Variants in CAST observed in about 807,000 individuals in gnomAD.
The protein encoded by CAST is MIR583 host.
Under a neutral mutation model 119.6 loss-of-function variants are expected in CAST, and 76 were observed. The observed-to-expected ratio is 0.64, with a 90% confidence interval of 0.53 to 0.77. The LOEUF (loss-of-function observed/expected upper bound fraction) is 0.77. Among genes scored for constraint, CAST ranks in the 30% least tolerant of loss-of-function variants. The pLI, the probability that CAST is intolerant of heterozygous loss-of-function variation, is 0.00. For missense variants in CAST, 953 were observed against 946.5 expected (o/e 1.01, Z -0.09); for synonymous variants, 319 against 331.6 (o/e 0.96, Z 0.41).
chr5:96,451,134 G>T, the CAST span, among the ~76,000 whole-genome samples: 1 of 151,998 alleles, frequency 6.6e-6, no homozygotes, highest in African/African-American at 2.4e-5. Context: ...CTGTTTAATT[G>T]CTTATACGAA....
chr5:96,559,105 G>A (rs263392), intron 1 of CAST, among the ~76,000 whole-genome samples: 148,058 of 152,182 alleles, frequency 0.97, 72,152 homozygotes, highest in East Asian at 1. Flanking sequence ...AATGACAAAA[G>A]CCACATGATT....
chr5:96,015,453 AT>A, the CAST span, among the ~76,000 whole-genome samples: 3 of 152,172 alleles, frequency 2.0e-5, no homozygotes, highest in African/African-American at 7.2e-5. Flanking sequence ...TAGAAAATAT[AT>A]TAAGTATCCA....
At chr5:96,412,282 G>A in the CAST span, 11 of 1,565,774 alleles carry the variant, frequency 7.0e-6, no homozygotes. Flanking sequence ...AGATGGTCAG[G>A]TTTCATTTCA....
intron 1 of CAST, among the ~76,000 whole-genome samples, chr5:96,563,764 ACAGTTTTG>A (rs1276669987): frequency 1.3e-5 from 2 of 152,202 alleles, no homozygotes; most frequent in Non-Finnish European, 2.9e-5. Flanking sequence ...TTTAAGGAGC[ACAGTTTTG>A]CAAACAGCCT....
At chr5:96,403,941 C>T in the CAST span, among the ~76,000 whole-genome samples, 1 of 151,972 alleles carries the variant, frequency 6.6e-6, no homozygotes, top group East Asian at 1.9e-4. Context: ...TTAATATTTC[C>T]AAAGGTGTGA....
intron 9 of CAST, among the ~76,000 whole-genome samples, chr5:96,732,538 T>C (rs1760774508): frequency 6.8e-6 from 1 of 147,892 alleles, no homozygotes; most frequent in Non-Finnish European, 1.5e-5. Context: ...TTGGCTTTTG[T>C]TGCCATTGCT....
upstream of CAST, among the ~76,000 whole-genome samples, chr5:96,526,454 C>T (rs1002526583): frequency 1.3e-5 from 2 of 152,218 alleles, no homozygotes; most frequent in Admixed American, 1.3e-4. Flanking sequence ...AGTACCTTTA[C>T]TAATAAAAGT....
chr5:96,264,331 C>G, the CAST span, among the ~76,000 whole-genome samples: 1 of 152,192 alleles, frequency 6.6e-6, no homozygotes, highest in Non-Finnish European at 1.5e-5. Flanking sequence ...TAAGTCTACT[C>G]GTATTCTTTA....
intron 1 of CAST, among the ~76,000 whole-genome samples, chr5:96,566,298 CT>C (rs545650570): frequency 4.0e-4 from 61 of 152,298 alleles, no homozygotes; most frequent in Non-Finnish European, 6.3e-4. Context: ...ATATATTAGA[CT>C]TGTTGATTCC....
chr5:96,189,766 T>A, the CAST span, among the ~76,000 whole-genome samples: 1 of 152,202 alleles, frequency 6.6e-6, no homozygotes, highest in Non-Finnish European at 1.5e-5. Context: ...GAAAAAACTT[T>A]TAACAGCTAG....
intron 1 of CAST, among the ~76,000 whole-genome samples, chr5:96,547,133 C>T (rs1462286930): frequency 4.3e-4 from 10 of 23,226 alleles, no homozygotes; most frequent in Non-Finnish European, 5.9e-4. Context: ...TGGGATAGCA[C>T]CTGTGTATTC....
At chr5:96,720,300 C>A (rs26517) in intron 3 of CAST, among the ~76,000 whole-genome samples, 26,050 of 152,182 alleles carry the variant, frequency 0.17, 2,462 homozygotes, top group East Asian at 0.29. Flanking sequence ...TAACCCTTCA[C>A]AATTTTTTAT....
At chr5:96,483,939 G>A in the CAST span, among the ~76,000 whole-genome samples, 2 of 152,198 alleles carry the variant, frequency 1.3e-5, no homozygotes, top group Middle Eastern at 6.8e-3. Context: ...TCTACACCAC[G>A]CAGCCTCTTG....
chr5:96,553,809 T>C (rs1474913370), intron 1 of CAST, among the ~76,000 whole-genome samples: 3 of 152,260 alleles, frequency 2.0e-5, no homozygotes, highest in Middle Eastern at 3.4e-3. Context: ...TCTCAATTGC[T>C]ACTAAGAGAA....
the CAST span, among the ~76,000 whole-genome samples, chr5:96,497,010 C>T: frequency 1.8e-5 from 2 of 110,472 alleles, no homozygotes; most frequent in Non-Finnish European, 1.8e-5. Flanking sequence ...TCCCTCCCCC[C>T]TCCCCCCACC....
the CAST span, among the ~76,000 whole-genome samples, chr5:96,229,235 A>G: frequency 1.3e-5 from 2 of 150,946 alleles, no homozygotes; most frequent in African/African-American, 4.9e-5. Flanking sequence ...TTTTAGGAGC[A>G]CTTTTAGTTA....
At chr5:96,176,065 G>C in the CAST span, among the ~76,000 whole-genome samples, 3,136 of 152,268 alleles carry the variant, frequency 0.021, 121 homozygotes, top group African/African-American at 0.073. Context: ...GCTAGGTAAG[G>C]CTTTCTGAAA....
chr5:95,975,694 AT>A, the CAST span, among the ~76,000 whole-genome samples: 1 of 152,154 alleles, frequency 6.6e-6, no homozygotes, highest in South Asian at 2.1e-4. Flanking sequence ...CTTAAGTTAA[AT>A]TTCTTTCAAT....
chr5:96,611,741 A>G (rs186062232), intron 1 of CAST, among the ~76,000 whole-genome samples: 3 of 150,852 alleles, frequency 2.0e-5, no homozygotes, highest in African/African-American at 7.4e-5. Context: ...TCTATACTTA[A>G]CTTAAATCAA....
Sources: allele counts gnomAD v4.1 joint callset (sites outside exome capture counted in the v4.1 genomes callset), GRCh38; gene constraint gnomAD v4.1.1; transcripts MANE v1.5; gene names NCBI Gene and HGNC (gene_info 2026-07-23, HGNC 2026-07-21).